Variants in STK10 observed in about 807,000 individuals in gnomAD.
STK10 encodes serine/threonine kinase 10, also known as serine/threonine-protein kinase 10.
Under a neutral mutation model 113.8 loss-of-function variants are expected in STK10, and 78 were observed. The ratio of observed to expected loss-of-function variants is 0.69; its 90% CI spans 0.57 to 0.83. The LOEUF (loss-of-function observed/expected upper bound fraction) is 0.83. Ranked by LOEUF, STK10 falls within the 40% of genes least tolerant of loss-of-function variation. The pLI is 0.00. For missense variants in STK10, 1,109 were observed against 1,280.1 expected (o/e 0.87, Z 2.04); for synonymous variants, 465 against 494.7 (o/e 0.94, Z 0.80).
At chr5:172,186,319 G>A (rs1005216843) in intron 1 of STK10, among the ~76,000 whole-genome samples, 22 of 151,560 alleles carry the variant, frequency 1.5e-4, no homozygotes, top group African/African-American at 5.3e-4. Context: ...GGCCTGGTTG[G>A]TCTCAAAATT....
In STK10 at chr5:172,188,031, G is replaced by C; in HGVS notation, c.12C>G (p.Ala4=). Residue 4 remains alanine, a synonymous_variant, in exon 1 of 19, where the codon GCC becomes GCG. Transcript: ENST00000176763. This position sits in a 1 kb window ranked among gnomAD's most constrained non-coding sequence, Gnocchi z 5.6. ...ACAGGCGCAGGATGCGGCGGAAATT[G>C]GCAAAAGCCATGGCCGGGGGCGCGG... is the stretch of plus-strand genomic sequence containing the variant. MAF[A]NFRRILRLST... 2 of 1,612,660 alleles carry C rather than the reference G, an allele frequency of 1.2e-6. No individual in the cohort carries two copies. The highest frequency in any genetic ancestry group is 1.7e-6 in the Non-Finnish European group (2 of 1,179,558).
chr5:172,120,462 T>G lies in STK10; in HGVS notation c.371-2832A>C, dbSNP rs574170162. Among the ~76,000 whole-genome samples, 1 of 152,276 alleles carries G rather than the reference T, an allele frequency of 6.6e-6. No individual in the cohort carries two copies. The highest frequency in any genetic ancestry group is 6.5e-5 in the Admixed American group (1 of 15,294). On this transcript the variant is annotated intron_variant, in intron 3 of 18. Coordinates refer to ENST00000176763, the MANE Select transcript of STK10 (RefSeq NM_005990.4). The surrounding 1 kb of genome is among the most constrained non-coding windows in gnomAD (Gnocchi z 4.0). Reference sequence around the variant, plus strand: ...TGGAGTCCGCAAGCTGCCTGCCCCCTGTCCCTGTGGCCTCATCCTGAACCT... The same window carrying G: ...TGGAGTCCGCAAGCTGCCTGCCCCCGGTCCCTGTGGCCTCATCCTGAACCT...
chr5:172,044,513 C>T lies in STK10; in HGVS notation c.*369G>A, dbSNP rs1359386501. 7.1e-6 allele frequency: 2 copies of T among 283,034 alleles called. No homozygotes were observed. Among genetic ancestry groups the T allele is most frequent in the East Asian group, 8.7e-5 (1 of 11,508 alleles). The allele number at this position is 283,034 out of a possible 1,614,324, so 17.5% of individuals were successfully genotyped here. On this transcript the variant is annotated 3_prime_UTR_variant, in exon 19 of 19. Transcript: ENST00000176763. The surrounding 1 kb of genome is among the most constrained non-coding windows in gnomAD (Gnocchi z 4.5). ...GGGGACTTCATCAGCAGTGCTTTGT[C>T]CCACAGAGAGCAAAACTGGTATTTT...
chr5:172,105,630 G>A, intron 7 of STK10, 26 bp downstream of exon 7: 1 of 1,612,712 alleles, frequency 6.2e-7, no homozygotes, highest in Non-Finnish European at 8.5e-7. Flanking sequence ...CCTTCAGGGA[G>A]CAGAGTGGGA....
chr5:172,093,607 G>A lies in STK10; in HGVS notation c.1359C>T (p.Asn453=). Reference sequence around the variant, plus strand: ...CACCCAAGGTCTCCAGGGCGCTGCTGTTGGGCCGGCTCTGGCTGGCCTTTT... The same window carrying A: ...CACCCAAGGTCTCCAGGGCGCTGCTATTGGGCCGGCTCTGGCTGGCCTTTT... ...RSQKASQSRP[N]SSALETLGGE... Residue 453 remains asparagine (N), a synonymous_variant, in exon 9 of 19, where the codon AAC becomes AAT. Transcript: ENST00000176763. This position sits in a 1 kb window ranked among gnomAD's most constrained non-coding sequence, Gnocchi z 4.1. 1 of 1,614,264 alleles carries A rather than the reference G, an allele frequency of 6.2e-7. No homozygotes were observed. The highest frequency in any genetic ancestry group is 8.5e-7 in the Non-Finnish European group (1 of 1,180,036).
chr5:172,088,415 T>A (rs1768618582), intron 10 of STK10, among the ~76,000 whole-genome samples: 1 of 151,936 alleles, frequency 6.6e-6, no homozygotes, highest in Admixed American at 6.6e-5. Flanking sequence ...TCCCAGCTAC[T>A]CAGGAGGCTG....
At chr5:172,112,764 C>A (rs1163226561) in intron 4 of STK10, among the ~76,000 whole-genome samples, 1 of 145,384 alleles carries the variant, frequency 6.9e-6, no homozygotes, top group Non-Finnish European at 1.5e-5. Flanking sequence ...CTTTTTTTTT[C>A]AGATGGAGTT....
At chr5:172,179,582 C>G (rs1361655142) in intron 1 of STK10, among the ~76,000 whole-genome samples, 1 of 151,286 alleles carries the variant, frequency 6.6e-6, no homozygotes, top group Non-Finnish European at 1.5e-5. Flanking sequence ...AGTGTGAAAT[C>G]AGACCCGCAG....
intron 2 of STK10, among the ~76,000 whole-genome samples, chr5:172,144,468 A>G (rs1451510570): frequency 6.6e-6 from 1 of 152,218 alleles, no homozygotes; most frequent in Non-Finnish European, 1.5e-5. Context: ...CAGACACCAA[A>G]AAACGCAACA....
At chr5:172,058,674 G>A (rs1767857878) in intron 14 of STK10, among the ~76,000 whole-genome samples, 1 of 152,084 alleles carries the variant, frequency 6.6e-6, no homozygotes. Context: ...CAGATCGCTT[G>A]AGCCTAGAAA....
intron 7 of STK10, among the ~76,000 whole-genome samples, chr5:172,098,658 G>T (rs1263860626): frequency 6.6e-6 from 1 of 152,122 alleles, no homozygotes; most frequent in East Asian, 1.9e-4. Context: ...GGGCGTTAAG[G>T]GTTTACTAAT....
chr5:172,104,381 C>T (rs539027855), intron 7 of STK10, among the ~76,000 whole-genome samples: 19 of 152,074 alleles, frequency 1.2e-4, no homozygotes, highest in African/African-American at 2.7e-4. Context: ...CCAGCCATGA[C>T]GCCCTAACTC....
In STK10 at chr5:172,083,029, T is replaced by C. The variant is rs1428129135; in HGVS notation, c.1741A>G (p.Thr581Ala). The C allele has an allele frequency of 3.1e-6, 5 of 1,613,982 alleles. No individual in the cohort carries two copies. Among genetic ancestry groups the C allele is most frequent in the Middle Eastern group, 1.6e-4 (1 of 6,062 alleles). ...AGCTCATGCTTGTTACTCAGCTGGG[T>C]CTGGTTCCGATGCTCTTCTTTCTGG... ...LLQKEEHRNQ[T>A]QLSNKHELQL... Residue 581 changes from threonine (T) to alanine (A), a missense_variant, in exon 11 of 19, where the codon ACC (threonine) becomes GCC (alanine). By Grantham distance (58) the Thr-to-Ala change is moderately conservative. Coordinates refer to ENST00000176763, the MANE Select transcript of STK10 (RefSeq NM_005990.4).
At chr5:172,066,678 C>T (rs987453685) in intron 12 of STK10, among the ~76,000 whole-genome samples, 63 of 152,296 alleles carry the variant, frequency 4.1e-4, no homozygotes, top group African/African-American at 1.4e-3. Context: ...ATCCCAGCTC[C>T]TTGGGAAGGA....
chr5:172,048,128 G>A (rs1309921251), intron 18 of STK10, among the ~76,000 whole-genome samples: 1 of 152,038 alleles, frequency 6.6e-6, no homozygotes, highest in Non-Finnish European at 1.5e-5. Flanking sequence ...CCACCTGTTT[G>A]GTCAAACACC....
intron 18 of STK10, among the ~76,000 whole-genome samples, chr5:172,050,172 G>A (rs527965085): frequency 4.6e-5 from 7 of 152,320 alleles, no homozygotes; most frequent in African/African-American, 1.7e-4. Flanking sequence ...TCACCTTGAT[G>A]GTGCAACACA....
chr5:172,116,097 G>A (rs530700988), intron 4 of STK10, among the ~76,000 whole-genome samples: 2 of 152,150 alleles, frequency 1.3e-5, no homozygotes, highest in African/African-American at 2.4e-5. Context: ...TTTTGTTTTC[G>A]TGAAACAGGG....
At chr5:172,129,742 T>G (rs912219046) in intron 2 of STK10, among the ~76,000 whole-genome samples, 2 of 152,108 alleles carry the variant, frequency 1.3e-5, no homozygotes, top group African/African-American at 4.8e-5. Context: ...TTCTACTAAC[T>G]GCTAGAAAAA....
chr5:172,053,516 A>G lies in STK10; in HGVS notation c.2653-474T>C, dbSNP rs76150154. On this transcript the variant is annotated intron_variant, in intron 17 of 18. Coordinates refer to ENST00000176763, the MANE Select transcript of STK10 (RefSeq NM_005990.4). ...TCAGGGAGATCTGTGGCAAGGAATG[A>G]GGGTCACTGACATGGGTGAGACTCT... 5.4e-3 allele frequency among the ~76,000 whole-genome samples: 819 copies of G among 152,340 alleles called. 3 individuals are homozygous for G. The highest frequency in any genetic ancestry group is 0.017 in the Middle Eastern group (5 of 294).
Sources: gnomAD v4.1 joint callset for allele counts (sites outside exome capture counted in the v4.1 genomes callset) on GRCh38, gnomAD v4.1.1 for gene constraint, Gnocchi (gnomAD v3.1) non-coding constraint, MANE v1.5 for transcripts, NCBI Gene and HGNC (gene_info 2026-07-23, HGNC 2026-07-21) for gene names.